Variants in KDM6B observed in about 807,000 individuals in gnomAD.
KDM6B encodes lysine demethylase 6B, also known as lysine-specific demethylase 6B.
In KDM6B, 22 loss-of-function variants were observed where a neutral mutation model predicts 150.4. That is an observed-to-expected ratio of 0.15 (90% CI 0.10 to 0.21). The LOEUF is 0.21. Ranked by LOEUF, KDM6B falls within the 10% of genes least tolerant of loss-of-function variation. KDM6B has a pLI of 1.00. For missense variants in KDM6B, 1,984 were observed against 2,234.3 expected, an observed-to-expected ratio of 0.89 and a Z score of 2.26; for synonymous variants, 1,148 against 921.1, an observed-to-expected ratio of 1.25 and a Z score of -4.46.
intron 2 of KDM6B, chr17:7,840,703 A>T (rs765255591): frequency 6.6e-6 from 1 of 152,214 alleles, no homozygotes; most frequent in Admixed American, 6.5e-5. Flanking sequence ...CTTCCTCATT[A>T]CATATGGGGT....
Position 7,854,762 on chromosome 17 carries a change from GAATATT to G in KDM6B, c.*1250_*1255del. On this transcript the variant is annotated 3_prime_UTR_variant, in exon 24 of 24. Transcript: ENST00000448097. ...CCTATTTTCGGTGATTTTTGTGTGA[GAATATT>G]AATATTAAAAATAAACGGAGAAAAA... is the stretch of plus-strand genomic sequence containing the variant. 1 of 338,028 alleles carries G rather than the reference GAATATT, an allele frequency of 3.0e-6. No homozygotes were observed. The highest frequency in any genetic ancestry group is 5.5e-6 in the Non-Finnish European group (1 of 181,530). 20.9% of individuals were successfully genotyped at this position (338,028 alleles called of 1,614,324 possible). A position where few individuals can be genotyped will look rare whatever the true frequency, so the allele number is the denominator to read the frequency against.
rs1012865806 is a variant in KDM6B, at chr17:7,844,239, G to C, written c.-268-662G>C. ...GAGCCACGAGAGAGGGGCCACTCGG[G>C]ACCGCGGTGCGCGACTTCTCGGAAG... On this transcript the variant is annotated intron_variant, in intron 2 of 23. Transcript: ENST00000448097. The surrounding 1 kb of genome is among the most constrained non-coding windows in gnomAD (Gnocchi z 5.9). The C allele has an allele frequency of 1.3e-5, 2 of 152,276 alleles. No homozygotes were observed. Among genetic ancestry groups the C allele is most frequent in the African/African-American group, 4.8e-5 (2 of 41,462 alleles). 9.4% of individuals were successfully genotyped at this position (152,276 alleles called of 1,614,324 possible).
In KDM6B at chr17:7,853,241, G is replaced by C; in HGVS notation, c.4769G>C (p.Ser1590Thr). 6.2e-7 allele frequency: 1 copy of C among 1,612,212 alleles called. No homozygotes were observed. The highest frequency in any genetic ancestry group is 8.5e-7 in the Non-Finnish European group (1 of 1,179,452). The change falls in exon 23 of 24, where the codon AGT becomes ACT. Residue 1590 changes from serine to threonine, a missense_variant. Physicochemically the swap from Ser to Thr is moderately conservative, Grantham distance 58. Coordinates refer to ENST00000448097, the MANE Select transcript of KDM6B (RefSeq NM_001348716.2). ...VEVFNILFVT[S>T]ENGSRNTYLV... The stretch of plus-strand genomic sequence containing the variant: ...GTGTTTAACATCCTGTTCGTGACAA[G>C]TGAGAATGGCAGCCGCAACACGTAC...
chr17:7,836,222 C>A (rs1212722034), intron 1 of KDM6B, among the ~76,000 whole-genome samples: 1 of 152,372 alleles, frequency 6.6e-6, no homozygotes, highest in East Asian at 1.9e-4. Flanking sequence ...GCGTGAATTC[C>A]TGCTCTTTGA....
In KDM6B at chr17:7,848,809, C is replaced by T. The variant is rs778088556; in HGVS notation, c.2521C>T (p.Pro841Ser). Residue 841 changes from proline to serine, a missense_variant, in exon 12 of 24, where the codon CCC becomes TCC. By Grantham distance (74) the Pro-to-Ser change is moderately conservative (BLOSUM62 -1). Around this residue, in one of 13 missense-constraint regions of KDM6B, gnomAD observed 1,379 missense variants for 1,275.6 expected, o/e 1.08. Coordinates refer to ENST00000448097, the MANE Select transcript of KDM6B (RefSeq NM_001348716.2). ...PLPTTQYSPGPPSGATALPPT... is the reference protein window; with the variant it reads ...PLPTTQYSPGSPSGATALPPT... ...GCCCACCACTCAGTATTCCCCTGGC[C>T]CCCCATCAGGTGCTACCGCCCTGCC... 7.4e-6 allele frequency: 12 copies of T among 1,612,664 alleles called. No individual in the cohort carries two copies. Among genetic ancestry groups the T allele is most frequent in the Non-Finnish European group, 9.3e-6 (11 of 1,179,998 alleles).
At chr17:7,847,481 G>C (rs568432440) in intron 11 of KDM6B, 29 bp downstream of exon 11, 10 of 1,613,526 alleles carry the variant, frequency 6.2e-6, no homozygotes, top group Admixed American at 5.0e-5. Flanking sequence ...TGGAGGGGGG[G>C]ATGGGTGGAG....
intron 14 of KDM6B, 138 bp from the exon 15 acceptor site, chr17:7,850,883 A>G (rs768388195): frequency 7.8e-5 from 62 of 790,332 alleles, no homozygotes; most frequent in East Asian, 1.9e-4. Flanking sequence ...GCTCCTGCCT[A>G]TTTCTTCTGG....
Position 7,847,618 on chromosome 17 carries a change from A to C in KDM6B, c.1330A>C (p.Ser444Arg). ...TGGCCGCCTGGGGCCCTCGGCACAC[A>C]GCAGTCGGAAACCGTTCTTGGGGGC... The part of the protein sequence containing the change: ...HHGRLGPSAH[S>R]SRKPFLGAPA... The change falls in exon 12 of 24, where the codon AGC becomes CGC. Residue 444 changes from serine to arginine, a missense_variant. This residue lies in a region of KDM6B where 1,379 missense variants were observed against 1,275.6 expected (regional missense o/e 1.08). Transcript: ENST00000448097. 6.2e-7 allele frequency: 1 copy of C among 1,612,410 alleles called. No homozygotes were observed. Among genetic ancestry groups the C allele is most frequent in the Non-Finnish European group, 8.5e-7 (1 of 1,179,882 alleles).
In KDM6B at chr17:7,845,702, G is replaced by T. The variant is rs1299644039; in HGVS notation, c.137+11G>T. On this transcript the variant is annotated intron_variant, in intron 5 of 23. Transcript: ENST00000448097. ...GCTGCCTGGAGGCAGGTGAGAAGTT[G>T]GGGCCCTCTGTCTCCAGGCACACCT... 1.5e-5 allele frequency: 24 copies of T among 1,613,972 alleles called. No individual in the cohort carries two copies. Among genetic ancestry groups the T allele is most frequent in the Non-Finnish European group, 2.0e-5 (24 of 1,180,018 alleles).
chr17:7,851,800 C>A lies in KDM6B; in HGVS notation c.4165+4C>A, dbSNP rs975538163. 9 of 1,555,096 alleles carry A rather than the reference C, an allele frequency of 5.8e-6. No individual in the cohort carries two copies. In the African/African-American group the frequency reaches 1.1e-4, roughly 19 times the overall value. On this transcript the variant is annotated splice_donor_region_variant and intron_variant, in intron 18 of 23. Transcript: ENST00000448097. ...GTGCCCGGCAGCCGAACGCCAGGTG[C>A]GCTCCACGCCTGTGCGCGCTGATGC...
Position 7,844,907 on chromosome 17 carries a change from A to C in KDM6B, c.-262A>C. ...TCCCATTGGTTCCGGCCAGGCTGTT[A>C]CTGAGGCGGAGACACGGGTGATGAT... On this transcript the variant is annotated 5_prime_UTR_variant, in exon 3 of 24. Transcript: ENST00000448097. This position sits in a 1 kb window ranked among gnomAD's most constrained non-coding sequence, Gnocchi z 5.9. The C allele has an allele frequency of 6.1e-6, 1 of 163,336 alleles. No individual in the cohort carries two copies. The highest frequency in any genetic ancestry group is 1.4e-4 in the South Asian group (1 of 7,030). 10.1% of individuals were successfully genotyped at this position (163,336 alleles called of 1,614,324 possible).
intron 17 of KDM6B, 41 bp from the exon 18 acceptor site, chr17:7,851,607 G>T: frequency 6.2e-7 from 1 of 1,606,056 alleles, no homozygotes. Context: ...ACCTCGTGGC[G>T]GGGGCGGGGT....
Position 7,853,482 on chromosome 17 carries a change from G to A in KDM6B, c.4909-16G>A. ...CCGCGCCTTTCCCTGAGCCCCCGCC[G>A]GCTTTCTCCCCCCAGGCCCCAGCCA... On this transcript the variant is annotated splice_polypyrimidine_tract_variant and intron_variant, in intron 23 of 23. Coordinates refer to ENST00000448097, the MANE Select transcript of KDM6B (RefSeq NM_001348716.2). 6.6e-7 allele frequency: 1 copy of A among 1,504,184 alleles called. No homozygotes were observed. Among genetic ancestry groups the A allele is most frequent in the South Asian group, 1.3e-5 (1 of 79,624 alleles). 93.2% of individuals were successfully genotyped at this position (1,504,184 alleles called of 1,614,324 possible). A position where few individuals can be genotyped will look rare whatever the true frequency, so the allele number is the denominator to read the frequency against.
chr17:7,853,153 C>T lies in KDM6B; in HGVS notation c.4737+27C>T, dbSNP rs1247920046. 4.3e-6 allele frequency: 7 copies of T among 1,613,962 alleles called. No homozygotes were observed. The African/African-American group carries it at 8.0e-5, about 18-fold the overall frequency. ...TGAGTGGGCCGGCTCTGCTGCTCTCCCTGAGTGTCCACAGTGGCCCTCCCT... is the reference window on the plus strand; with the variant it reads ...TGAGTGGGCCGGCTCTGCTGCTCTCTCTGAGTGTCCACAGTGGCCCTCCCT... On this transcript the variant is annotated intron_variant, in intron 22 of 23. Transcript: ENST00000448097.
In KDM6B at chr17:7,849,359, A is replaced by G; in HGVS notation, c.3071A>G (p.Gln1024Arg). 6.2e-7 allele frequency: 1 copy of G among 1,600,168 alleles called. No homozygotes were observed. Among genetic ancestry groups the G allele is most frequent in the Non-Finnish European group, 8.5e-7 (1 of 1,174,236 alleles). The change falls in exon 12 of 24, where the codon CAG (glutamine) becomes CGG (arginine). Residue 1024 changes from glutamine to arginine, a missense_variant. Coordinates refer to ENST00000448097, the MANE Select transcript of KDM6B (RefSeq NM_001348716.2). ...SRRVLGNLDL[Q>R]SEEIQGREKS... Reference sequence around the variant, plus strand: ...CGGGTGCTGGGGAACCTGGACCTGCAGAGCGAGGAGATCCAGGGTCGTGAG... The same window carrying G: ...CGGGTGCTGGGGAACCTGGACCTGCGGAGCGAGGAGATCCAGGGTCGTGAG...
intron 1 of KDM6B, among the ~76,000 whole-genome samples, chr17:7,839,215 T>G (rs1230486039): frequency 1.3e-5 from 2 of 151,946 alleles, no homozygotes; most frequent in Non-Finnish European, 2.9e-5. Context: ...TCTATGAGGG[T>G]TGGGAAGGGA....
intron 1 of KDM6B, among the ~76,000 whole-genome samples, 191 bp from the exon 2 acceptor site, chr17:7,839,715 G>A (rs2078386355): frequency 1.3e-5 from 2 of 152,078 alleles, no homozygotes; most frequent in African/African-American, 2.4e-5. Flanking sequence ...CCAACTGATC[G>A]AGCCTGCTTC....
Position 7,847,668 on chromosome 17 carries a change from C to T in KDM6B, c.1380C>T (p.Ser460=), listed in dbSNP as rs753077599. 3.7e-6 allele frequency: 6 copies of T among 1,605,384 alleles called. No individual in the cohort carries two copies. Among genetic ancestry groups the T allele is most frequent in the Middle Eastern group, 1.7e-4 (1 of 6,058 alleles). ...LGAPAATPHL[S]LPPGPSSPPP... ...CTCCCGCTGCCACTCCCCACCTATC[C>T]CTGCCACCTGGACCTTCCTCACCCC... Residue 460 remains serine, a synonymous_variant, in exon 12 of 24, where the codon TCC becomes TCT. Transcript: ENST00000448097.
chr17:7,846,371 G>GGGCCGGGCCCGGGGCCCCCCCC, intron 7 of KDM6B, 29 bp from the exon 8 acceptor site: 1 of 1,488,914 alleles, frequency 6.7e-7, no homozygotes, highest in Non-Finnish European at 9.2e-7. Flanking sequence ...CCTGACATCT[G>GGGCCGGGCCCGGGGCCCCCCCC]CCCCTGCCCC....
Sources: allele counts gnomAD v4.1 joint callset (sites outside exome capture counted in the v4.1 genomes callset), GRCh38; gene constraint gnomAD v4.1.1; regional missense constraint gnomAD v4.1.1; non-coding constraint Gnocchi (gnomAD v3.1); transcripts MANE v1.5; gene names NCBI Gene and HGNC (gene_info 2026-07-23, HGNC 2026-07-21).